Variants in DNAH6 observed in about 807,000 individuals in gnomAD.
The protein encoded by DNAH6 is dynein axonemal heavy chain 6.
A neutral mutation model predicts 491.4 loss-of-function variants in DNAH6; 340 were observed. The ratio of observed to expected loss-of-function variants is 0.69; its 90% confidence interval spans 0.63 to 0.76. DNAH6 has a LOEUF of 0.76. Among genes scored for constraint, DNAH6 ranks in the 30% least tolerant of loss-of-function variants. The probability of loss-of-function intolerance (pLI) is 0.00; values close to 1 mark genes in which losing one functional copy is unlikely to be tolerated. For missense variants in DNAH6, 4,443 were observed against 4,972.2 expected (o/e 0.89, Z 3.20); for synonymous variants, 1,603 against 1,686.1 (o/e 0.95, Z 1.21).
chr2:84,585,149 C>T (rs78992526), intron 15 of DNAH6, among the ~76,000 whole-genome samples: 1 of 152,124 alleles, frequency 6.6e-6, no homozygotes, highest in Non-Finnish European at 1.5e-5. Context: ...TATTGAAGCA[C>T]TTTTGTATTT....
intron 26 of DNAH6, among the ~76,000 whole-genome samples, chr2:84,623,549 A>G (rs1015046094): frequency 4.3e-4 from 66 of 152,310 alleles, no homozygotes; most frequent in African/African-American, 1.5e-3. Flanking sequence ...TTATTGAAGT[A>G]AGAGAAAACA....
chr2:84,706,937 A>G lies in DNAH6; in HGVS notation c.8769A>G (p.Gln2923=), dbSNP rs1265314165. 1 of 1,544,982 alleles carries G rather than the reference A, an allele frequency of 6.5e-7. No homozygotes were observed. The highest frequency in any genetic ancestry group is 8.7e-7 in the Non-Finnish European group (1 of 1,145,796). Residue 2923 remains glutamine, a synonymous_variant, in exon 53 of 77, where the codon CAA becomes CAG. Transcript: ENST00000389394. ...CCATGGCTACCCTGAGAGAAAAGCA[A>G]GCATTACTAAGACAAGTAGAAGATC... The part of the protein sequence containing the change: ...DITMATLREK[Q]ALLRQVEDQI...
chr2:84,543,144 G>A (rs947699790), intron 4 of DNAH6, among the ~76,000 whole-genome samples: 3 of 152,094 alleles, frequency 2.0e-5, no homozygotes, highest in African/African-American at 7.2e-5. Flanking sequence ...GGGCAACAGA[G>A]CGAGACTCCC....
intron 9 of DNAH6, among the ~76,000 whole-genome samples, chr2:84,551,919 GT>G (rs958067519): frequency 9.2e-5 from 14 of 152,178 alleles, no homozygotes; most frequent in Admixed American, 9.2e-4. Flanking sequence ...ATGGTGGTGG[GT>G]GCCTATAATC....
intron 54 of DNAH6, among the ~76,000 whole-genome samples, chr2:84,708,535 AAG>A (rs1236360562): frequency 2.0e-5 from 3 of 148,672 alleles, no homozygotes; most frequent in African/African-American, 7.4e-5. Flanking sequence ...AAGAAAAAGA[AAG>A]AAGGAAGGAA....
chr2:84,793,392 G>C (rs551685390), intron 68 of DNAH6, among the ~76,000 whole-genome samples: 2 of 152,178 alleles, frequency 1.3e-5, no homozygotes, highest in African/African-American at 4.8e-5. Flanking sequence ...ATGGAGAAGC[G>C]CAAAATCTGT....
At chr2:84,785,380 C>G (rs1677079854) in intron 66 of DNAH6, among the ~76,000 whole-genome samples, 1 of 152,192 alleles carries the variant, frequency 6.6e-6, no homozygotes, top group Non-Finnish European at 1.5e-5. Flanking sequence ...AGGTTCTTGT[C>G]ATGTGGTTCA....
At chr2:84,589,227 T>C (rs1208007573) in intron 16 of DNAH6, among the ~76,000 whole-genome samples, 1 of 152,226 alleles carries the variant, frequency 6.6e-6, no homozygotes, top group African/African-American at 2.4e-5. Context: ...CTTTCTATGT[T>C]AAAATGTAAG....
intron 37 of DNAH6, among the ~76,000 whole-genome samples, chr2:84,666,843 A>C (rs1573415580): frequency 1.3e-5 from 2 of 152,234 alleles, no homozygotes; most frequent in East Asian, 3.8e-4. Flanking sequence ...ACCTGACTTC[A>C]AACTATACTA....
chr2:84,519,110 G>A (rs1416291315), intron 2 of DNAH6, among the ~76,000 whole-genome samples: 1 of 152,060 alleles, frequency 6.6e-6, no homozygotes, highest in Non-Finnish European at 1.5e-5. Flanking sequence ...CTTTAGATTG[G>A]GTGACTAGAA....
chr2:84,761,276 A>C (rs1418270657), intron 63 of DNAH6, among the ~76,000 whole-genome samples: 1 of 152,136 alleles, frequency 6.6e-6, no homozygotes, highest in Non-Finnish European at 1.5e-5. Context: ...TATTATGTAC[A>C]CATGAATGTA....
intron 11 of DNAH6, among the ~76,000 whole-genome samples, chr2:84,561,233 G>A (rs1242257929): frequency 7.9e-5 from 12 of 152,054 alleles, no homozygotes; most frequent in Admixed American, 3.3e-4. Context: ...AAATAACGCC[G>A]CATATCTTCA....
At chr2:84,630,670 G>A (rs749696629) in intron 29 of DNAH6, among the ~76,000 whole-genome samples, 18 of 152,246 alleles carry the variant, frequency 1.2e-4, no homozygotes, top group East Asian at 3.9e-4. Flanking sequence ...TATCTTTGTC[G>A]GAACAAACCA....
chr2:84,552,752 CT>C (rs543920472), intron 9 of DNAH6, among the ~76,000 whole-genome samples, 165 bp from the exon 10 acceptor site: 8 of 152,028 alleles, frequency 5.3e-5, no homozygotes, highest in Admixed American at 1.3e-4. Flanking sequence ...CAATATTTGC[CT>C]TTTTTTCTTT....
intron 41 of DNAH6, among the ~76,000 whole-genome samples, chr2:84,678,346 TC>T (rs1248415198): frequency 6.6e-6 from 1 of 152,138 alleles, no homozygotes; most frequent in Non-Finnish European, 1.5e-5. Flanking sequence ...AGAAGGGTTG[TC>T]TAAGGCCTGC....
intron 64 of DNAH6, among the ~76,000 whole-genome samples, chr2:84,772,486 A>G (rs1675720947): frequency 6.6e-6 from 1 of 152,100 alleles, no homozygotes; most frequent in South Asian, 2.1e-4. Flanking sequence ...ACCAGTGACT[A>G]AAAGAGCTGA....
chr2:84,602,747 G>T (rs992436044), intron 18 of DNAH6, among the ~76,000 whole-genome samples: 2 of 143,996 alleles, frequency 1.4e-5, no homozygotes, highest in Non-Finnish European at 3.0e-5. Flanking sequence ...TGATTTCTGT[G>T]ATATGTACTT....
At chr2:84,588,714 CA>C in intron 15 of DNAH6, 111 bp from the exon 16 acceptor site, 1 of 1,051,666 alleles carries the variant, frequency 9.5e-7, no homozygotes, top group Non-Finnish European at 1.3e-6. Flanking sequence ...TTCTAAAAAT[CA>C]AAAAGAAAAG....
intron 33 of DNAH6, among the ~76,000 whole-genome samples, chr2:84,649,211 T>A (rs1690186674): frequency 2.6e-5 from 4 of 152,194 alleles, no homozygotes; most frequent in African/African-American, 9.7e-5. Flanking sequence ...AACCAAAAAA[T>A]TCATATGAGT....
Sources: allele counts gnomAD v4.1 joint callset (sites outside exome capture counted in the v4.1 genomes callset), GRCh38; gene constraint gnomAD v4.1.1; transcripts MANE v1.5; gene names NCBI Gene and HGNC (gene_info 2026-07-23, HGNC 2026-07-21).